LPA: variants seen among roughly 807,000 people sequenced by gnomAD.
The protein encoded by LPA is apolipoprotein(a).
In LPA, 199 loss-of-function variants were observed where a neutral mutation model predicts 197.9. The ratio of observed to expected loss-of-function variants is 1.01; its 90% CI spans 0.90 to 1.13. The LOEUF is 1.13. Among genes scored for constraint, LPA ranks in the 50% most tolerant of loss-of-function variants. The pLI is 0.00. For synonymous variants in LPA, 715 were observed against 639.5 expected, an observed-to-expected ratio of 1.12 and a Z score of -1.78; for missense variants, 1,853 against 1,785.8, an observed-to-expected ratio of 1.04 and a Z score of -0.68.
At chr6:160,568,422 T>C (rs1778502733) in intron 28 of LPA, among the ~76,000 whole-genome samples, 1 of 152,196 alleles carries the variant, frequency 6.6e-6, no homozygotes, top group African/African-American at 2.4e-5. Context: ...GAAAAGGCCT[T>C]TGACAAAATT....
chr6:160,593,834 A>G, intron 22 of LPA, 124 bp downstream of exon 22: 2 of 1,226,338 alleles, frequency 1.6e-6, no homozygotes, highest in Non-Finnish European at 2.4e-6. Flanking sequence ...GAAGCCTGAG[A>G]CATTCTACCC....
intron 28 of LPA, among the ~76,000 whole-genome samples, chr6:160,567,798 A>T (rs1362545419): frequency 6.6e-6 from 1 of 152,226 alleles, no homozygotes; most frequent in African/African-American, 2.4e-5. Flanking sequence ...TGCAATAAAA[A>T]ATGATAAAGG....
rs540018455 is a variant in LPA, at chr6:160,607,361, C to T, written c.2604-703G>A. Among the ~76,000 whole-genome samples, 6 of 152,246 alleles carry T rather than the reference C, an allele frequency of 3.9e-5. No individual in the cohort carries two copies. In the East Asian group the frequency reaches 1.2e-3, roughly 29 times the overall value. ...AGCATCTCTAGAATGGGTTCCTGGG[C>T]AGGACCTTCTCTCCTGCTCTCAGTC... On this transcript the variant is annotated intron_variant, in intron 16 of 38. Coordinates refer to ENST00000316300, the MANE Select transcript of LPA (RefSeq NM_005577.4).
intron 16 of LPA, 37 bp downstream of exon 16, chr6:160,611,525 G>T (rs367897422): frequency 2.5e-6 from 4 of 1,606,318 alleles, no homozygotes; most frequent in South Asian, 2.2e-5. Flanking sequence ...ACTTCAGTTG[G>T]CCCTTTATTC....
intron 28 of LPA, among the ~76,000 whole-genome samples, chr6:160,576,696 A>G (rs1232422076): frequency 7.9e-5 from 11 of 139,130 alleles, no homozygotes; most frequent in Admixed American, 1.4e-4. Flanking sequence ...GTGTGTATAT[A>G]TATATATATA....
At chr6:160,656,018 A>C (rs1349269413) in intron 1 of LPA, among the ~76,000 whole-genome samples, 1 of 152,240 alleles carries the variant, frequency 6.6e-6, no homozygotes, top group Non-Finnish European at 1.5e-5. Context: ...GCTGCATACC[A>C]GGCACCAGGA....
rs370112647 is a variant in LPA, at chr6:160,543,042, C to T, written c.5399-234G>A. ...TTCTTTCTAAACCATGTAAAGTTTA[C>T]TGAAAGGCACAAAGGATTCTTTTGC... is the stretch of plus-strand genomic sequence containing the variant. On this transcript the variant is annotated intron_variant, in intron 33 of 38. Coordinates refer to ENST00000316300, the MANE Select transcript of LPA (RefSeq NM_005577.4). Among the ~76,000 whole-genome samples the T allele has an allele frequency of 3.9e-5, 6 of 152,182 alleles. No homozygotes were observed. In the East Asian group the frequency reaches 1.2e-3, roughly 29 times the overall value.
intron 25 of LPA, 145 bp downstream of exon 25, chr6:160,586,304 G>T: frequency 1.1e-6 from 1 of 905,422 alleles, no homozygotes; most frequent in Non-Finnish European, 1.7e-6. Flanking sequence ...CCCAGAGAAG[G>T]CACTGAAGCT....
chr6:160,595,662 T>A, intron 20 of LPA, 127 bp from the exon 21 acceptor site: 4 of 1,359,316 alleles, frequency 2.9e-6, no homozygotes, highest in Non-Finnish European at 4.1e-6. Flanking sequence ...AAAGGTCCCA[T>A]AATATGCACA....
intron 28 of LPA, among the ~76,000 whole-genome samples, chr6:160,573,557 T>C (rs1229978757): frequency 6.6e-6 from 1 of 152,210 alleles, no homozygotes; most frequent in African/African-American, 2.4e-5. Context: ...GGGTAGACTG[T>C]GTCAGAGGGA....
At chr6:160,653,236 C>T (rs796815922) in intron 1 of LPA, among the ~76,000 whole-genome samples, 8 of 152,136 alleles carry the variant, frequency 5.3e-5, no homozygotes, top group African/African-American at 1.4e-4. Flanking sequence ...ACCTAACAAT[C>T]CAAATACACA....
chr6:160,626,420 CGTGT>C (rs1370773573), intron 10 of LPA, among the ~76,000 whole-genome samples: 11 of 106,004 alleles, frequency 1.0e-4, no homozygotes, highest in East Asian at 7.9e-4. Flanking sequence ...TGAGTTTCTG[CGTGT>C]GTGTGAGTAT....
At chr6:160,606,150 T>A (rs1474340657) in intron 17 of LPA, among the ~76,000 whole-genome samples, 1 of 152,160 alleles carries the variant, frequency 6.6e-6, no homozygotes, top group Non-Finnish European at 1.5e-5. Context: ...GCTTACTGGC[T>A]TGGAAAGAGT....
intron 28 of LPA, among the ~76,000 whole-genome samples, chr6:160,576,338 GTGTATATATA>G (rs1778660429): frequency 5.6e-5 from 1 of 17,862 alleles, no homozygotes; most frequent in Non-Finnish European, 8.2e-5. Context: ...GTGTGTGTGT[GTGTATATATA>G]TATATATATA....
intron 37 of LPA, among the ~76,000 whole-genome samples, chr6:160,537,316 G>T (rs1777909416): frequency 6.6e-6 from 1 of 152,150 alleles, no homozygotes; most frequent in Non-Finnish European, 1.5e-5. Flanking sequence ...GGAACTGTCT[G>T]CCTCTCCCCC....
At chr6:160,663,537 G>A (rs1307067082) in intron 1 of LPA, among the ~76,000 whole-genome samples, 1 of 152,222 alleles carries the variant, frequency 6.6e-6, no homozygotes, top group Non-Finnish European at 1.5e-5. Flanking sequence ...GTGTATGTGT[G>A]TATGTATGTA....
At chr6:160,594,334 G>A (rs867816547) in intron 21 of LPA, among the ~76,000 whole-genome samples, 21 of 152,150 alleles carry the variant, frequency 1.4e-4, no homozygotes, top group Non-Finnish European at 1.6e-4. Flanking sequence ...TAAAACACAG[G>A]CACCAAAGGA....
chr6:160,563,820 C>T (rs371400031), intron 28 of LPA, among the ~76,000 whole-genome samples: 14 of 152,110 alleles, frequency 9.2e-5, no homozygotes, highest in African/African-American at 2.9e-4. Flanking sequence ...TTAGGTAATG[C>T]CCTCCTTTGT....
At chr6:160,606,197 C>T (rs1779345930) in intron 17 of LPA, among the ~76,000 whole-genome samples, 1 of 152,134 alleles carries the variant, frequency 6.6e-6, no homozygotes, top group Non-Finnish European at 1.5e-5. Flanking sequence ...AAAATTTTGG[C>T]TAAGACACTG....
Sources: gnomAD v4.1 joint callset for allele counts (sites outside exome capture counted in the v4.1 genomes callset) on GRCh38, gnomAD v4.1.1 for gene constraint, MANE v1.5 for transcripts, NCBI Gene and HGNC (gene_info 2026-07-23, HGNC 2026-07-21) for gene names.